Variants in RBBP5 observed in about 807,000 individuals in gnomAD.
The protein encoded by RBBP5 is RB binding protein 5, histone lysine methyltransferase complex subunit, also known as retinoblastoma-binding protein 5.
RBBP5 carries 5 observed loss-of-function variants against 72.2 expected under a neutral mutation model. The observed-to-expected ratio is 0.07, with a 90% CI of 0.04 to 0.15. The LOEUF is 0.15. Among genes scored for constraint, RBBP5 ranks in the 10% least tolerant of loss-of-function variants. RBBP5 has a pLI of 1.00. For synonymous variants in RBBP5, 209 were observed against 237.2 expected, an observed-to-expected ratio of 0.88 and a Z score of 1.09; for missense variants, 322 against 652.2, an observed-to-expected ratio of 0.49 and a Z score of 5.51.
chr1:205,099,598 G>C lies in RBBP5; in HGVS notation c.978+143C>G. 1.2e-6 allele frequency: 1 copy of C among 838,208 alleles called. No individual in the cohort carries two copies. Among genetic ancestry groups the C allele is most frequent in the East Asian group, 2.7e-5 (1 of 37,574 alleles). 51.9% of individuals were successfully genotyped at this position (838,208 alleles called of 1,614,324 possible). On this transcript the variant is annotated intron_variant, in intron 9 of 13. Transcript: ENST00000264515. This position sits in a 1 kb window ranked among gnomAD's most constrained non-coding sequence, Gnocchi z 4.7. ...TTCCCACCAAAATAAAGTGCAACTA[G>C]ATGCACTGAACCTATGTAATTTAGG...
intron 13 of RBBP5, among the ~76,000 whole-genome samples, chr1:205,090,819 C>G (rs893609403): frequency 1.3e-5 from 2 of 150,900 alleles, no homozygotes; most frequent in South Asian, 4.2e-4. Context: ...TACCTTGATT[C>G]TAGCAGGAAT....
At chr1:205,094,756 G>T in intron 13 of RBBP5, 117 bp downstream of exon 13, 1 of 1,196,750 alleles carries the variant, frequency 8.4e-7, no homozygotes, top group Non-Finnish European at 1.2e-6. Flanking sequence ...GAAATTATCT[G>T]CTGCTGGGAA....
At chr1:205,109,533 A>G (rs1558579158) in intron 3 of RBBP5, among the ~76,000 whole-genome samples, 1 of 150,732 alleles carries the variant, frequency 6.6e-6, no homozygotes, top group Non-Finnish European at 1.5e-5. Context: ...CTATGATTCT[A>G]TTTTCCCTCT....
At chr1:205,095,182 G>A in intron 12 of RBBP5, 118 bp from the exon 13 acceptor site, 1 of 990,990 alleles carries the variant, frequency 1.0e-6, no homozygotes, top group Non-Finnish European at 1.5e-6. Context: ...TAATTATAAA[G>A]AGAAAAGTTT....
At chr1:205,098,231 A>C (rs946551654) in intron 10 of RBBP5, among the ~76,000 whole-genome samples, 3 of 152,212 alleles carry the variant, frequency 2.0e-5, no homozygotes, top group African/African-American at 7.2e-5. Flanking sequence ...CAGATGAGGA[A>C]ATTCAGTTTA....
intron 6 of RBBP5, among the ~76,000 whole-genome samples, chr1:205,100,954 A>G (rs1655795453): frequency 6.6e-6 from 1 of 152,156 alleles, no homozygotes; most frequent in Non-Finnish European, 1.5e-5. Context: ...TCACATGTGC[A>G]GTTCAAAATA....
intron 2 of RBBP5, 144 bp from the exon 3 acceptor site, chr1:205,115,105 T>G: frequency 1.2e-6 from 1 of 800,326 alleles, no homozygotes; most frequent in East Asian, 2.8e-5. Context: ...TCTTCTTATA[T>G]CTATTAAAAT....
At chr1:205,119,781 G>GA (rs1254673403) in intron 1 of RBBP5, among the ~76,000 whole-genome samples, 2 of 152,200 alleles carry the variant, frequency 1.3e-5, no homozygotes, top group Non-Finnish European at 2.9e-5. Flanking sequence ...CTAGCTCAGA[G>GA]AAAGTACTTT....
intron 3 of RBBP5, among the ~76,000 whole-genome samples, chr1:205,106,173 C>A (rs1223130315): frequency 6.6e-6 from 1 of 152,210 alleles, no homozygotes; most frequent in African/African-American, 2.4e-5. Flanking sequence ...AACTTCCAAT[C>A]CCACCCAGCA....
At chr1:205,102,718 G>C (rs1367307364) in intron 5 of RBBP5, among the ~76,000 whole-genome samples, 1 of 152,152 alleles carries the variant, frequency 6.6e-6, no homozygotes, top group Admixed American at 6.5e-5. Flanking sequence ...TCTAGGCCAG[G>C]CGCGGTGGTT....
At chr1:205,097,462 A>C in intron 10 of RBBP5, 67 bp from the exon 11 acceptor site, 5 of 1,426,520 alleles carry the variant, frequency 3.5e-6, no homozygotes, top group Non-Finnish European at 4.8e-6. Context: ...TGCAGCTTCA[A>C]GGTTTTCATA....
chr1:205,100,694 A>C (rs183629950), intron 6 of RBBP5, among the ~76,000 whole-genome samples: 1 of 152,308 alleles, frequency 6.6e-6, no homozygotes, highest in Admixed American at 6.5e-5. Context: ...ATCTGTATGA[A>C]ATATTAGTTA....
At chr1:205,111,436 T>C (rs149279804) in intron 3 of RBBP5, among the ~76,000 whole-genome samples, 69 of 152,260 alleles carry the variant, frequency 4.5e-4, no homozygotes, top group Non-Finnish European at 8.4e-4. Context: ...AACATGAAAA[T>C]AATAGGAGAC....
intron 5 of RBBP5, 25 bp downstream of exon 5, chr1:205,103,832 C>G (rs747064504): frequency 1.9e-6 from 3 of 1,601,472 alleles, no homozygotes; most frequent in South Asian, 1.1e-5. Flanking sequence ...TACAAGATGC[C>G]TGATTTGCCA....
intron 2 of RBBP5, among the ~76,000 whole-genome samples, chr1:205,115,531 G>A (rs1294871412): frequency 2.0e-5 from 3 of 152,122 alleles, no homozygotes; most frequent in Non-Finnish European, 4.4e-5. Context: ...CATACATTTT[G>A]CTTTACTACA....
In RBBP5 at chr1:205,093,475, AAAAAATATATATATATATATAT is replaced by A. The variant is rs1212565915; in HGVS notation, c.1588+1376_1588+1397del. On this transcript the variant is annotated intron_variant, in intron 13 of 13. Transcript: ENST00000264515. ...CTCCGTTTCAAAAAAAAAAAAAAAA[AAAAAATATATATATATATATAT>A]ATATATATATATATATATATATATA... Among the ~76,000 whole-genome samples the A allele has an allele frequency of 1.2e-3, 10 of 8,658 alleles. 1 individual carries two copies. The highest frequency in any genetic ancestry group is 3.0e-3 in the African/African-American group (10 of 3,370). The allele number at this position is 8,658 out of a possible 152,430, so 5.7% of individuals were successfully genotyped here. A position where few individuals can be genotyped will look rare whatever the true frequency, so the allele number is the denominator to read the frequency against.
chr1:205,087,832 T>C lies in RBBP5; in HGVS notation c.*955A>G, dbSNP rs1055050704. 1.3e-5 allele frequency: 2 copies of C among 152,596 alleles called. No individual in the cohort carries two copies. Among genetic ancestry groups the C allele is most frequent in the African/African-American group, 4.8e-5 (2 of 41,448 alleles). The allele number at this position is 152,596 out of a possible 1,614,324, so 9.5% of individuals were successfully genotyped here. The stretch of plus-strand genomic sequence containing the variant: ...TATAGGCAGGGAAAAATGCAATGAC[T>C]GATGAGGATAGATTTCCACAGGCAG... On this transcript the variant is annotated 3_prime_UTR_variant, in exon 14 of 14. Transcript: ENST00000264515.
intron 1 of RBBP5, among the ~76,000 whole-genome samples, chr1:205,120,652 C>T (rs200672304): frequency 2.0e-5 from 3 of 152,028 alleles, no homozygotes; most frequent in South Asian, 2.1e-4. Flanking sequence ...CATGGCAGTG[C>T]GCACCTGTAG....
At chr1:205,109,557 C>T (rs1384409657) in intron 3 of RBBP5, among the ~76,000 whole-genome samples, 1 of 105,800 alleles carries the variant, frequency 9.5e-6, no homozygotes, top group African/African-American at 3.9e-5. Flanking sequence ...CTCTTCTGTA[C>T]TAGGGGGTGG....
Sources: gnomAD v4.1 joint callset for allele counts (sites outside exome capture counted in the v4.1 genomes callset) on GRCh38, gnomAD v4.1.1 for gene constraint, Gnocchi (gnomAD v3.1) non-coding constraint, MANE v1.5 for transcripts, NCBI Gene and HGNC (gene_info 2026-07-23, HGNC 2026-07-21) for gene names.